Variants in RGS3 observed in about 807,000 individuals in gnomAD.
RGS3 encodes the protein regulator of G protein signaling 3.
RGS3 carries 80 observed loss-of-function variants against 132.6 expected under a neutral mutation model. The observed-to-expected ratio is 0.60, with a 90% CI of 0.50 to 0.73. The LOEUF is 0.73. Among genes scored for constraint, RGS3 ranks in the 30% least tolerant of loss-of-function variants. The pLI, the probability that RGS3 is intolerant of heterozygous loss-of-function variation, is 0.00. For missense variants in RGS3, 1,382 were observed against 1,530.8 expected, an observed-to-expected ratio of 0.90 and a Z score of 1.62; for synonymous variants, 598 against 620.6, an observed-to-expected ratio of 0.96 and a Z score of 0.54.
chr9:113,589,794 C>T (rs914795084), intron 20 of RGS3: 1 of 152,204 alleles, frequency 6.6e-6, no homozygotes, highest in Non-Finnish European at 1.5e-5. Context: ...CCTTGGGGTC[C>T]AGAGTTTATC....
intron 17 of RGS3, among the ~76,000 whole-genome samples, chr9:113,525,674 GCTGGCAGGGGCTGCTCC>G (rs959144519): frequency 1.1e-4 from 16 of 152,338 alleles, no homozygotes; most frequent in Non-Finnish European, 2.1e-4. Flanking sequence ...GCTGGTTGGG[GCTGGCAGGGGCTGCTCC>G]CTGGCAGGGG....
rs560255474 is a variant in RGS3, at chr9:113,480,910, A to G, written c.466+1369A>G. Among the ~76,000 whole-genome samples the G allele has an allele frequency of 7.9e-5, 12 of 152,292 alleles. No individual in the cohort carries two copies. The South Asian group carries it at 2.5e-3, about 32-fold the overall frequency. On this transcript the variant is annotated intron_variant, in intron 4 of 24. Coordinates refer to ENST00000350696, the Ensembl canonical transcript of RGS3. ...CTGTTTAGCCCAGAAGGCCCTGTCT[A>G]TCTCTCCAGCCTCCCTGGCTCTTGC...
intron 10 of RGS3, among the ~76,000 whole-genome samples, chr9:113,503,837 C>T (rs749340266): frequency 6.6e-5 from 10 of 152,324 alleles, no homozygotes; most frequent in East Asian, 1.9e-4. Context: ...TGGCCTCAGG[C>T]GGGCCCGGCA....
At chr9:113,560,483 G>A (rs1411907494) in intron 19 of RGS3, among the ~76,000 whole-genome samples, 1 of 152,176 alleles carries the variant, frequency 6.6e-6, no homozygotes, top group Non-Finnish European at 1.5e-5. Context: ...ACACAGCATG[G>A]CAGCCCCCGT....
At chr9:113,577,854 G>A (rs552028065) in intron 19 of RGS3, among the ~76,000 whole-genome samples, 1 of 152,342 alleles carries the variant, frequency 6.6e-6, no homozygotes, top group Non-Finnish European at 1.5e-5. Flanking sequence ...TGTTTATCCT[G>A]TGTTTATGGC....
At chr9:113,594,094 T>A (rs1564624875) in intron 21 of RGS3, 18 of 1,613,038 alleles carry the variant, frequency 1.1e-5, no homozygotes, top group Non-Finnish European at 1.5e-5. Flanking sequence ...GCTCCTCCTG[T>A]CTGAGTCCCA....
At chr9:113,502,454 G>A (rs1830942344) in intron 10 of RGS3, among the ~76,000 whole-genome samples, 1 of 152,228 alleles carries the variant, frequency 6.6e-6, no homozygotes, top group African/African-American at 2.4e-5. Flanking sequence ...GCCCAGAGGG[G>A]TCCCTGCCCC....
intron 7 of RGS3, among the ~76,000 whole-genome samples, chr9:113,490,789 AT>A (rs1268745644): frequency 7.6e-6 from 1 of 131,962 alleles, no homozygotes; most frequent in Non-Finnish European, 1.6e-5. Flanking sequence ...ATATAATTAT[AT>A]ATCGTTATAT....
intron 19 of RGS3, among the ~76,000 whole-genome samples, chr9:113,569,742 G>A (rs1834200088): frequency 6.6e-6 from 1 of 152,126 alleles, no homozygotes; most frequent in Non-Finnish European, 1.5e-5. Flanking sequence ...TCTAGTGCCA[G>A]GATGTTCAGG....
Position 113,505,438 on chromosome 9 carries a change from C to T in RGS3, c.898-4C>T, listed in dbSNP as rs761065574. 3 of 1,614,026 alleles carry T rather than the reference C, an allele frequency of 1.9e-6. No homozygotes were observed. The highest frequency in any genetic ancestry group is 2.5e-6 in the Non-Finnish European group (3 of 1,179,896). On this transcript the variant is annotated splice_polypyrimidine_tract_variant and splice_region_variant and intron_variant, in intron 10 of 24. Coordinates refer to ENST00000350696, the Ensembl canonical transcript of RGS3. ...GGCAGTGACCGGGCAGGGCTGTGTC[C>T]TAGATCACCATCCCGAGGGGAAAGG...
intron 4 of RGS3, among the ~76,000 whole-genome samples, chr9:113,481,992 G>A: frequency 6.6e-6 from 1 of 151,174 alleles, no homozygotes; most frequent in Non-Finnish European, 1.5e-5. Context: ...GTTGCAGTGA[G>A]CCGAGATCGT....
intron 7 of RGS3, 56 bp from the exon 6 acceptor site, chr9:113,495,730 C>A: frequency 7.0e-7 from 1 of 1,435,766 alleles, no homozygotes; most frequent in Non-Finnish European, 9.8e-7. Context: ...TGATAATGGA[C>A]CTCCCGATAG....
intron 7 of RGS3, among the ~76,000 whole-genome samples, chr9:113,491,537 C>T (rs1259506696): frequency 6.6e-6 from 1 of 151,874 alleles, no homozygotes; most frequent in African/African-American, 2.4e-5. Flanking sequence ...AGCCATGAGC[C>T]ACCGTGCCCA....
chr9:113,519,510 C>CAA (rs35813905), intron 16 of RGS3, among the ~76,000 whole-genome samples: 159 of 99,592 alleles, frequency 1.6e-3, no homozygotes, highest in African/African-American at 4.5e-3. Context: ...TTACTCACAC[C>CAA]AAAAAAAAAA....
chr9:113,498,034 T>C (rs534320175), exon 10 of RGS3: 1 of 1,613,706 alleles, frequency 6.2e-7, no homozygotes, highest in East Asian at 2.2e-5. Flanking sequence ...GACCCGCTGC[T>C]GAGAATGCCA....
intron 16 of RGS3, among the ~76,000 whole-genome samples, chr9:113,521,035 G>A (rs1443600066): frequency 6.6e-6 from 1 of 152,152 alleles, no homozygotes; most frequent in Non-Finnish European, 1.5e-5. Context: ...GTCCTCATCT[G>A]TAAATGAGGG....
chr9:113,544,180 A>G (rs1833010968), intron 19 of RGS3, among the ~76,000 whole-genome samples: 1 of 152,296 alleles, frequency 6.6e-6, no homozygotes, highest in South Asian at 2.1e-4. Flanking sequence ...TCTCAGGCCC[A>G]GGAGCTGGGA....
intron 3 of RGS3, among the ~76,000 whole-genome samples, chr9:113,474,575 C>T (rs145801676): frequency 3.5e-4 from 53 of 152,102 alleles, no homozygotes; most frequent in African/African-American, 1.3e-3. Context: ...CTCCCTCCTG[C>T]GAGGAAGACT....
At chr9:113,529,417 T>C (rs1286538927) in intron 18 of RGS3, among the ~76,000 whole-genome samples, 153 bp downstream of exon 16, 7 of 152,176 alleles carry the variant, frequency 4.6e-5, no homozygotes, top group African/African-American at 1.7e-4. Context: ...GGTTTTTTGC[T>C]AGGTAGAATG....
Sources: gnomAD v4.1 joint callset for allele counts (sites outside exome capture counted in the v4.1 genomes callset) on GRCh38, gnomAD v4.1.1 for gene constraint, MANE v1.5 for transcripts, NCBI Gene and HGNC (gene_info 2026-07-23, HGNC 2026-07-21) for gene names.